The following NEK1 variants were observed in gnomAD, a reference collection of about 807,000 sequenced individuals.
NEK1 encodes the protein NIMA related kinase 1.
Under a neutral mutation model 182.1 loss-of-function variants are expected in NEK1, and 137 were observed. The observed-to-expected ratio is 0.75, with a 90% CI of 0.65 to 0.87. The LOEUF (loss-of-function observed/expected upper bound fraction) is 0.87. Among genes scored for constraint, NEK1 ranks in the 40% least tolerant of loss-of-function variants. The pLI, the probability that NEK1 is intolerant of heterozygous loss-of-function variation, is 0.00. For synonymous variants in NEK1, 513 were observed against 492.2 expected (o/e 1.04, Z -0.56); for missense variants, 1,391 against 1,494.4 (o/e 0.93, Z 1.14).
intron 19 of NEK1, among the ~76,000 whole-genome samples, chr4:169,527,286 C>T (rs781641124): frequency 3.9e-5 from 6 of 152,044 alleles, no homozygotes. Context: ...CTACAGTCAG[C>T]AGACCTGATC....
chr4:169,400,043 T>A, intron 35 of NEK1, 182 bp downstream of exon 35: 1 of 674,496 alleles, frequency 1.5e-6, no homozygotes, highest in South Asian at 1.7e-5. Context: ...CTTAAGTCAG[T>A]AAAAGTATAT....
chr4:169,528,658 A>T (rs527256461), intron 19 of NEK1, among the ~76,000 whole-genome samples: 7 of 152,338 alleles, frequency 4.6e-5, no homozygotes, highest in African/African-American at 1.7e-4. Flanking sequence ...AAACTGACAG[A>T]ACTAAAAGGA....
Position 169,433,715 on chromosome 4 carries a change from G to C in NEK1, c.2765-50C>G, listed in dbSNP as rs773156159. Reference sequence around the variant, plus strand: ...GACATCTCAAAGCAAAATTTGTCAAGAGAATATTGAATAAACTTGCTATAA... The same window carrying C: ...GACATCTCAAAGCAAAATTTGTCAACAGAATATTGAATAAACTTGCTATAA... On this transcript the variant is annotated intron_variant, in intron 28 of 35. Transcript: ENST00000507142. 6.1e-5 allele frequency: 96 copies of C among 1,579,798 alleles called. No individual in the cohort carries two copies. In the East Asian group the frequency reaches 1.7e-3, roughly 28 times the overall value.
At chr4:169,575,734 G>A (rs999860345) in intron 12 of NEK1, among the ~76,000 whole-genome samples, 1 of 152,092 alleles carries the variant, frequency 6.6e-6, no homozygotes, top group African/African-American at 2.4e-5. Flanking sequence ...CTCTTTGCCA[G>A]CCCCAGACTG....
Position 169,394,390 on chromosome 4 carries a change from TC to T in NEK1, c.*119del. ...CCATCTTTTTCATGCAATAAGAAAG[TC>T]CATCTTAAATCTGATTTTTTAAATA... On this transcript the variant is annotated 3_prime_UTR_variant, in exon 36 of 36. Coordinates refer to ENST00000507142, the MANE Select transcript of NEK1 (RefSeq NM_001199397.3). 1.6e-6 allele frequency: 1 copy of T among 624,372 alleles called. No individual in the cohort carries two copies. The highest frequency in any genetic ancestry group is 2.8e-6 in the Non-Finnish European group (1 of 357,142). 38.7% of individuals were successfully genotyped at this position (624,372 alleles called of 1,614,324 possible).
At chr4:169,506,971 T>G in intron 23 of NEK1, 66 bp downstream of exon 23, 2 of 1,017,636 alleles carry the variant, frequency 2.0e-6, no homozygotes, top group Non-Finnish European at 2.9e-6. Flanking sequence ...AATACTGATG[T>G]ACTACCCAGG....
At chr4:169,484,867 T>C (rs931094958) in intron 23 of NEK1, among the ~76,000 whole-genome samples, 4 of 152,216 alleles carry the variant, frequency 2.6e-5, no homozygotes, top group South Asian at 2.1e-4. Flanking sequence ...GCTATAGGGA[T>C]TGCATGAGAT....
intron 12 of NEK1, among the ~76,000 whole-genome samples, chr4:169,567,060 G>A (rs779575577): frequency 9.9e-5 from 15 of 151,612 alleles, no homozygotes; most frequent in Non-Finnish European, 1.9e-4. Context: ...ACTGCACTAT[G>A]GCTTGAGTGT....
chr4:169,564,292 T>TA (rs549754296), intron 12 of NEK1, among the ~76,000 whole-genome samples: 101 of 152,206 alleles, frequency 6.6e-4, no homozygotes, highest in African/African-American at 2.4e-3. Context: ...AGACATTACT[T>TA]AAAAAAATTA....
intron 4 of NEK1, 145 bp downstream of exon 4, chr4:169,601,860 CATG>C: frequency 1.7e-6 from 1 of 582,556 alleles, no homozygotes; most frequent in Non-Finnish European, 3.0e-6. Context: ...AAAATGCAGG[CATG>C]ATATCAGTAT....
intron 27 of NEK1, among the ~76,000 whole-genome samples, chr4:169,451,143 TTAGA>T (rs1292625196): frequency 6.6e-6 from 1 of 152,190 alleles, no homozygotes; most frequent in Non-Finnish European, 1.5e-5. Flanking sequence ...AAGCAAGTTC[TTAGA>T]TACCTACAAA....
At chr4:169,433,424 CT>C (rs1241782652) in intron 29 of NEK1, 120 bp downstream of exon 29, 2 of 943,038 alleles carry the variant, frequency 2.1e-6, no homozygotes, top group African/African-American at 3.4e-5. Flanking sequence ...AATTAAGTTC[CT>C]TTTATAAGGT....
chr4:169,545,018 A>G (rs1210136545), intron 18 of NEK1, among the ~76,000 whole-genome samples: 1 of 146,942 alleles, frequency 6.8e-6, no homozygotes, highest in African/African-American at 2.5e-5. Flanking sequence ...CTTGTCTTCT[A>G]GCTTTTGAAT....
At chr4:169,585,599 CTG>C in intron 9 of NEK1, 50 bp from the exon 10 acceptor site, 1 of 1,182,410 alleles carries the variant, frequency 8.5e-7, no homozygotes, top group Non-Finnish European at 1.2e-6. Context: ...TAAATTGAAA[CTG>C]AGAATATCGG....
intron 10 of NEK1, 137 bp from the exon 11 acceptor site, chr4:169,581,039 TAAAAAAA>T (rs34236215): frequency 0.011 from 1,470 of 130,978 alleles, 17 homozygotes; most frequent in African/African-American, 0.044. Flanking sequence ...ACCAAGTTGT[TAAAAAAA>T]AAAAAAAAAA....
chr4:169,567,558 C>A lies in NEK1; in HGVS notation c.1021-5362G>T, dbSNP rs541986107. Among the ~76,000 whole-genome samples, 10 of 152,236 alleles carry A rather than the reference C, an allele frequency of 6.6e-5. No individual in the cohort carries two copies. The South Asian group carries it at 2.1e-3, about 32-fold the overall frequency. The stretch of plus-strand genomic sequence containing the variant: ...CAGATTACAAGCACATGTCACCATG[C>A]CTGGTTAATTTTTGTATTTTTACTA... On this transcript the variant is annotated intron_variant, in intron 12 of 35. Coordinates refer to ENST00000507142, the MANE Select transcript of NEK1 (RefSeq NM_001199397.3).
intron 23 of NEK1, among the ~76,000 whole-genome samples, chr4:169,480,516 A>AAG (rs1018724661): frequency 5.3e-5 from 8 of 151,664 alleles, no homozygotes; most frequent in African/African-American, 1.9e-4. Flanking sequence ...TTCCTAAAAA[A>AAG]AAAAAAAAAA....
intron 9 of NEK1, among the ~76,000 whole-genome samples, chr4:169,586,216 T>G (rs1165561235): frequency 1.3e-5 from 2 of 152,058 alleles, no homozygotes; most frequent in South Asian, 2.1e-4. Context: ...TTTTGATATC[T>G]CCACTAAAAT....
chr4:169,585,568 A>G lies in NEK1; in HGVS notation c.607-19T>C. 4 of 1,522,928 alleles carry G rather than the reference A, an allele frequency of 2.6e-6. No individual in the cohort carries two copies. The highest frequency in any genetic ancestry group is 1.4e-5 in the African/African-American group (1 of 72,886). The allele number at this position is 1,522,928 out of a possible 1,614,324, so 94.3% of individuals were successfully genotyped here. A position where few individuals can be genotyped will look rare whatever the true frequency, so the allele number is the denominator to read the frequency against. Reference sequence around the variant, plus strand: ...CTTCAAACTAAATTCCAGAAAATAAATAACATATAGGAAACATATATAAAT... The same window carrying G: ...CTTCAAACTAAATTCCAGAAAATAAGTAACATATAGGAAACATATATAAAT... On this transcript the variant is annotated intron_variant, in intron 9 of 35. Transcript: ENST00000507142.
Sources: allele counts gnomAD v4.1 joint callset (sites outside exome capture counted in the v4.1 genomes callset), GRCh38; gene constraint gnomAD v4.1.1; transcripts MANE v1.5; gene names NCBI Gene and HGNC (gene_info 2026-07-23, HGNC 2026-07-21).